AHCY: variants seen among roughly 807,000 people sequenced by gnomAD.
AHCY encodes the protein S-adenosyl-L-homocysteine hydrolase.
A neutral mutation model predicts 45.4 loss-of-function variants in AHCY; 24 were observed. The observed-to-expected ratio is 0.53, with a 90% confidence interval of 0.38 to 0.74. AHCY has a LOEUF of 0.74. AHCY is among the 30% of genes least tolerant of loss of function. The pLI, the probability that AHCY is intolerant of heterozygous loss-of-function variation, is 0.00. For missense variants in AHCY, 449 were observed against 594.1 expected, an observed-to-expected ratio of 0.76 and a Z score of 2.54; for synonymous variants, 245 against 235.1, an observed-to-expected ratio of 1.04 and a Z score of -0.39.
At chr20:34,284,848 T>C (rs2036119302) in intron 9 of AHCY, among the ~76,000 whole-genome samples, 2 of 152,126 alleles carry the variant, frequency 1.3e-5, no homozygotes, top group African/African-American at 4.8e-5. Flanking sequence ...AAAATAAAAT[T>C]TTAATGAGTT....
the AHCY span, among the ~76,000 whole-genome samples, chr20:34,235,839 A>AAGAAAG: frequency 3.1e-5 from 2 of 64,390 alleles, no homozygotes; most frequent in African/African-American, 3.5e-4. Flanking sequence ...GAAAGAAAGA[A>AAGAAAG]AGAAGGAAGG....
chr20:34,244,103 C>T, the AHCY span, among the ~76,000 whole-genome samples: 5 of 152,102 alleles, frequency 3.3e-5, no homozygotes, highest in Non-Finnish European at 5.9e-5. Context: ...CATTCAAGAT[C>T]GTAATTTGCA....
chr20:34,277,275 G>A (rs2035916783), downstream of AHCY, among the ~76,000 whole-genome samples: 2 of 152,188 alleles, frequency 1.3e-5, no homozygotes, highest in Admixed American at 1.3e-4. Context: ...CCTGCAGAGT[G>A]ACCCGGATAA....
At chr20:34,283,718 A>G (rs747313522) in intron 9 of AHCY, among the ~76,000 whole-genome samples, 5 of 152,222 alleles carry the variant, frequency 3.3e-5, no homozygotes, top group Admixed American at 2.6e-4. Context: ...GCTGCACAGA[A>G]CAAGGTATGC....
intron 1 of AHCY, among the ~76,000 whole-genome samples, chr20:34,296,996 C>T (rs2036596141): frequency 6.6e-6 from 1 of 152,130 alleles, no homozygotes; most frequent in African/African-American, 2.4e-5. Flanking sequence ...TAGGCCATCA[C>T]CAGTGATAGC....
the AHCY span, among the ~76,000 whole-genome samples, chr20:34,270,277 T>A: frequency 1.3e-5 from 2 of 151,862 alleles, no homozygotes. Flanking sequence ...AAATAATCAT[T>A]CCTGTTCTTG....
the AHCY span, among the ~76,000 whole-genome samples, chr20:34,235,639 C>T: frequency 6.6e-6 from 1 of 151,682 alleles, no homozygotes; most frequent in East Asian, 1.9e-4. Context: ...AAAAGTCTGG[C>T]TGGGCATGGT....
Position 34,280,415 on chromosome 20 carries a change from G to A in AHCY, c.*619C>T, listed in dbSNP as rs930156619. On this transcript the variant is annotated 3_prime_UTR_variant, in exon 10 of 10. Transcript: ENST00000217426. ...TTTCACGAAATCTGCCTGCATTCAT[G>A]TTTTTCTGGCCCCTCTCAACCCCTA... 1 of 153,540 alleles carries A rather than the reference G, an allele frequency of 6.5e-6. No individual in the cohort carries two copies. The highest frequency in any genetic ancestry group is 2.4e-5 in the African/African-American group (1 of 41,374). 9.5% of individuals were successfully genotyped at this position (153,540 alleles called of 1,614,324 possible).
the AHCY span, among the ~76,000 whole-genome samples, chr20:34,248,872 A>G: frequency 1.3e-5 from 2 of 152,118 alleles, no homozygotes; most frequent in South Asian, 2.1e-4. Context: ...CTCATTTGGA[A>G]TAACAGCAAT....
the AHCY span, among the ~76,000 whole-genome samples, chr20:34,272,326 CA>C: frequency 6.6e-6 from 1 of 152,190 alleles, no homozygotes. Flanking sequence ...TGTGTGACCC[CA>C]AAATGAGAGG....
chr20:34,260,573 G>C, the AHCY span: 3 of 1,554,850 alleles, frequency 1.9e-6, no homozygotes, highest in South Asian at 1.2e-5. Context: ...CCAGGAGAGG[G>C]GCTGCAGGAG....
At chr20:34,265,672 G>A in the AHCY span, among the ~76,000 whole-genome samples, 355 of 150,144 alleles carry the variant, frequency 2.4e-3, 5 homozygotes, top group Non-Finnish European at 7.1e-4. Flanking sequence ...AAAGTTGGCC[G>A]GGCACAGTGG....
At chr20:34,301,005 T>G (rs1276883902) in intron 1 of AHCY, among the ~76,000 whole-genome samples, 1 of 152,154 alleles carries the variant, frequency 6.6e-6, no homozygotes, top group Non-Finnish European at 1.5e-5. Context: ...ACCGACCATA[T>G]CTGTCCTCAG....
At chr20:34,272,046 C>CAAA in the AHCY span, among the ~76,000 whole-genome samples, 7 of 145,916 alleles carry the variant, frequency 4.8e-5, no homozygotes, top group South Asian at 1.3e-3. Flanking sequence ...AACGTGCCTC[C>CAAA]AAAAAAAAAA....
chr20:34,311,349 G>GC (rs1234826003), intron 1 of AHCY: 1 of 152,270 alleles, frequency 6.6e-6, no homozygotes, highest in African/African-American at 2.4e-5. Flanking sequence ...GCTGAAAGCT[G>GC]CCCTGGACGT....
downstream of AHCY, among the ~76,000 whole-genome samples, chr20:34,279,441 A>C (rs753455326): frequency 6.6e-6 from 1 of 151,122 alleles, no homozygotes; most frequent in East Asian, 1.9e-4. Flanking sequence ...AAAAACAACA[A>C]CTCTAAAAGA....
chr20:34,288,824 T>C (rs568208298), intron 8 of AHCY, among the ~76,000 whole-genome samples: 16 of 152,268 alleles, frequency 1.1e-4, no homozygotes, highest in African/African-American at 3.9e-4. Context: ...ACTACTTTTA[T>C]AATCAGAGAA....
chr20:34,304,512 T>A (rs1022879782), upstream of AHCY, among the ~76,000 whole-genome samples: 2 of 152,060 alleles, frequency 1.3e-5, no homozygotes, highest in African/African-American at 4.8e-5. Context: ...TTTAATTGCT[T>A]TTTTTCCCCT....
chr20:34,263,679 T>C, the AHCY span, among the ~76,000 whole-genome samples: 3 of 151,970 alleles, frequency 2.0e-5, no homozygotes, highest in South Asian at 4.2e-4. Flanking sequence ...TTTTTTCTTT[T>C]TTTTTGAGAT....
Sources: gnomAD v4.1 joint callset for allele counts (sites outside exome capture counted in the v4.1 genomes callset) on GRCh38, gnomAD v4.1.1 for gene constraint, MANE v1.5 for transcripts, NCBI Gene and HGNC (gene_info 2026-07-23, HGNC 2026-07-21) for gene names.